The following TMEM164 variants were observed in gnomAD, a reference collection of about 807,000 sequenced individuals.
The protein encoded by TMEM164 is RP13-360B22.2.
TMEM164 carries 4 observed loss-of-function variants against 18.8 expected under a neutral mutation model. The ratio of observed to expected loss-of-function variants is 0.21; its 90% CI spans 0.10 to 0.49. The LOEUF (loss-of-function observed/expected upper bound fraction) is 0.49. Among genes scored for constraint, TMEM164 ranks in the 20% least tolerant of loss-of-function variants. TMEM164 has a pLI of 0.98. For missense variants in TMEM164, 108 were observed against 239.9 expected (o/e 0.45, Z 3.63); for synonymous variants, 86 against 101.7 (o/e 0.85, Z 0.93).
intron 5 of TMEM164, among the ~76,000 whole-genome samples, chrX:110,166,957 G>C (rs1259877700): frequency 8.9e-6 from 1 of 111,923 alleles, no homozygotes; most frequent in Non-Finnish European, 1.9e-5. Flanking sequence ...TCTATTCTCA[G>C]AGTACTTTCT....
intron 4 of TMEM164, among the ~76,000 whole-genome samples, chrX:110,142,849 T>C (rs1362947506): frequency 8.9e-6 from 1 of 112,861 alleles, no homozygotes; most frequent in African/African-American, 3.2e-5. Context: ...ACTGCCTCCC[T>C]GGACATTCAG....
At chrX:110,026,175 G>T (rs369210924) in intron 2 of TMEM164, among the ~76,000 whole-genome samples, 1 of 112,084 alleles carries the variant, frequency 8.9e-6, no homozygotes, top group Non-Finnish European at 1.9e-5. Context: ...ACTTCTCCTG[G>T]CATTAGCTGT....
At chrX:110,130,772 G>A (rs1470179034) in intron 4 of TMEM164, among the ~76,000 whole-genome samples, 1 of 109,186 alleles carries the variant, frequency 9.2e-6, no homozygotes, top group Non-Finnish European at 1.9e-5. Context: ...CTGAAACTCT[G>A]TGATGAAAAT....
chrX:110,151,409 T>TA (rs1165495844), intron 5 of TMEM164, among the ~76,000 whole-genome samples: 87 of 107,279 alleles, frequency 8.1e-4, no homozygotes, highest in Admixed American at 2.2e-3. Flanking sequence ...TCTGATGGGT[T>TA]AAAAAAAAAA....
intron 2 of TMEM164, among the ~76,000 whole-genome samples, chrX:110,054,702 T>C (rs984942347): frequency 8.9e-6 from 1 of 111,848 alleles, no homozygotes; most frequent in African/African-American, 3.3e-5. Flanking sequence ...TGTGCCTTGG[T>C]GGAGTTGACA....
At chrX:110,019,238 G>A (rs759515736) in intron 2 of TMEM164, among the ~76,000 whole-genome samples, 8 of 111,266 alleles carry the variant, frequency 7.2e-5, no homozygotes, top group South Asian at 3.8e-4. Flanking sequence ...AATCCATCCA[G>A]TGACCCAGGT....
intron 2 of TMEM164, among the ~76,000 whole-genome samples, chrX:110,064,407 A>G (rs1320307477): frequency 8.9e-6 from 1 of 112,059 alleles, no homozygotes; most frequent in Non-Finnish European, 1.9e-5. Flanking sequence ...ATTCAGACCA[A>G]GGCTGGGGGC....
chrX:110,120,033 C>A (rs1386154414), intron 4 of TMEM164, among the ~76,000 whole-genome samples: 1 of 112,351 alleles, frequency 8.9e-6, no homozygotes, highest in African/African-American at 3.2e-5. Context: ...GATTAGGGAA[C>A]TGGCCAATCT....
chrX:110,145,283 T>C (rs952789036), intron 5 of TMEM164, among the ~76,000 whole-genome samples: 2 of 111,053 alleles, frequency 1.8e-5, no homozygotes, highest in African/African-American at 6.6e-5. Flanking sequence ...AAAGAAGATA[T>C]TGTAAGGGGC....
rs184335078 is a variant in TMEM164 at position 110,109,074 on chromosome X, C to G, written c.441-6C>G. 14 of 1,209,695 alleles carry G rather than the reference C, an allele frequency of 1.2e-5. No homozygotes were observed. The highest frequency in any genetic ancestry group is 1.8e-5 in the South Asian group (1 of 56,940). On this transcript the variant is annotated splice_polypyrimidine_tract_variant and splice_region_variant and intron_variant, in intron 3 of 6. Coordinates refer to ENST00000372068, the MANE Select transcript of TMEM164 (RefSeq NM_032227.4). ...TGACCTGAACTTTATCTTTCTCCCC[C>G]TCTAGGCTACAGATGCACATGTTGA...
chrX:110,151,606 C>A (rs1051495727), intron 5 of TMEM164, among the ~76,000 whole-genome samples: 1 of 110,927 alleles, frequency 9.0e-6, no homozygotes, highest in African/African-American at 3.3e-5. Flanking sequence ...CATGGCGAAA[C>A]CCCCTCTCTA....
chrX:110,062,584 T>C (rs1936165671), intron 2 of TMEM164, among the ~76,000 whole-genome samples: 2 of 111,811 alleles, frequency 1.8e-5, no homozygotes, highest in Admixed American at 9.5e-5. Flanking sequence ...AAGGAAATAG[T>C]AAAGGAACTG....
intron 5 of TMEM164, among the ~76,000 whole-genome samples, chrX:110,153,213 G>A (rs939679073): frequency 1.8e-5 from 2 of 111,948 alleles, no homozygotes; most frequent in African/African-American, 6.5e-5. Context: ...AGCTGCCTCT[G>A]TTCCTCCCAT....
intron 4 of TMEM164, among the ~76,000 whole-genome samples, chrX:110,109,517 C>G (rs2066262392): frequency 9.0e-6 from 1 of 111,625 alleles, no homozygotes; most frequent in Non-Finnish European, 1.9e-5. Flanking sequence ...GACTCGGTCT[C>G]AAAACAATAA....
intron 3 of TMEM164, among the ~76,000 whole-genome samples, chrX:110,107,698 C>T (rs920801051): frequency 2.1e-5 from 2 of 95,307 alleles, no homozygotes; most frequent in African/African-American, 3.8e-5. Context: ...CTTGCTCTGT[C>T]GCCCAGGCTG....
intron 5 of TMEM164, among the ~76,000 whole-genome samples, chrX:110,156,853 A>G (rs2067023743): frequency 9.0e-6 from 1 of 111,345 alleles, no homozygotes; most frequent in South Asian, 3.8e-4. Flanking sequence ...ATCAGCTCCT[A>G]AAGGCTCCAC....
rs759177640 is a variant in TMEM164 at position 110,149,630 on chromosome X, G to C, written c.586+4754G>C. 3.6e-5 allele frequency among the ~76,000 whole-genome samples: 4 copies of C among 111,763 alleles called. No individual in the cohort carries two copies. In the Admixed American group the frequency reaches 3.8e-4, roughly 11 times the overall value. ...GCTCACATCTCATTCTAATTGTCTG[G>C]TATGGTTTTGCCTGCTTTCACGGTT... is the stretch of plus-strand genomic sequence containing the variant. On this transcript the variant is annotated intron_variant, in intron 5 of 6. Coordinates refer to ENST00000372068, the MANE Select transcript of TMEM164 (RefSeq NM_032227.4).
intron 2 of TMEM164, among the ~76,000 whole-genome samples, chrX:110,027,902 A>G (rs746760894): frequency 1.8e-5 from 2 of 112,448 alleles, no homozygotes; most frequent in Admixed American, 1.9e-4. Context: ...GGATTGGCCA[A>G]TGCTGCTTCC....
At chrX:110,085,547 C>G (rs1203260517) in intron 3 of TMEM164, among the ~76,000 whole-genome samples, 1 of 110,640 alleles carries the variant, frequency 9.0e-6, no homozygotes. Context: ...CTTTGACTAT[C>G]CTCAAGCTCA....
Sources: gnomAD v4.1 joint callset for allele counts (sites outside exome capture counted in the v4.1 genomes callset) on GRCh38, gnomAD v4.1.1 for gene constraint, MANE v1.5 for transcripts, NCBI Gene and HGNC (gene_info 2026-07-23, HGNC 2026-07-21) for gene names.